The following APOLD1 variants were observed in gnomAD, a reference collection of about 807,000 sequenced individuals.
APOLD1 encodes the protein apolipoprotein L domain containing 1, also known as apolipoprotein L domain-containing protein 1.
A neutral mutation model predicts 15.3 loss-of-function variants in APOLD1; 22 were observed. The ratio of observed to expected loss-of-function variants is 1.44; its 90% CI spans 1.03 to 2.05. The LOEUF is 2.05. APOLD1 is among the 30% of genes most tolerant of loss of function. The pLI is 0.00. For missense variants in APOLD1, 394 were observed against 353.5 expected, an observed-to-expected ratio of 1.11 and a Z score of -0.92; for synonymous variants, 190 against 167.4, an observed-to-expected ratio of 1.13 and a Z score of -1.04.
chr12:12,749,604 G>C (rs1417597186), intron 1 of APOLD1, among the ~76,000 whole-genome samples: 3 of 152,166 alleles, frequency 2.0e-5, no homozygotes, highest in Non-Finnish European at 2.9e-5. Flanking sequence ...GGAGTGTGAC[G>C]TTGGTAACTT....
upstream of APOLD1, among the ~76,000 whole-genome samples, chr12:12,782,416 C>T (rs1277474723): frequency 6.6e-6 from 1 of 152,178 alleles, no homozygotes. Flanking sequence ...CTGAAGATTC[C>T]TATGCTTAAA....
chr12:12,727,967 T>C (rs1330470234), intron 1 of APOLD1, among the ~76,000 whole-genome samples: 2 of 151,232 alleles, frequency 1.3e-5, no homozygotes, highest in Non-Finnish European at 2.9e-5. Flanking sequence ...AATTAATTAA[T>C]TAATTAATTT....
At chr12:12,778,287 G>C (rs1186056475) in intron 1 of APOLD1, among the ~76,000 whole-genome samples, 1 of 150,666 alleles carries the variant, frequency 6.6e-6, no homozygotes, top group East Asian at 2.0e-4. Context: ...GCTTCTCCCT[G>C]TGGGAGGCAT....
chr12:12,783,162 T>C (rs1947097431), upstream of APOLD1, among the ~76,000 whole-genome samples: 3 of 152,088 alleles, frequency 2.0e-5, no homozygotes, highest in Admixed American at 6.5e-5. Context: ...GCTGAGATCA[T>C]GCCACTGTAC....
At chr12:12,773,348 G>A (rs1157649396) in intron 1 of APOLD1, among the ~76,000 whole-genome samples, 1 of 152,088 alleles carries the variant, frequency 6.6e-6, no homozygotes, top group Non-Finnish European at 1.5e-5. Context: ...ATTGCTTGAG[G>A]CCAGGAGTTC....
At chr12:12,769,666 A>G (rs1294733988) in intron 1 of APOLD1, among the ~76,000 whole-genome samples, 5 of 152,220 alleles carry the variant, frequency 3.3e-5, no homozygotes, top group Non-Finnish European at 7.3e-5. Flanking sequence ...GTCTTCCCTC[A>G]GGAGAAATTA....
chr12:12,735,516 T>TG, intron 1 of APOLD1, among the ~76,000 whole-genome samples: 2 of 152,110 alleles, frequency 1.3e-5, no homozygotes, highest in East Asian at 3.9e-4. Context: ...TGCTTGTGGC[T>TG]GGGGGGCAGT....
chr12:12,758,988 A>G (rs1946878621), intron 1 of APOLD1, among the ~76,000 whole-genome samples: 1 of 152,136 alleles, frequency 6.6e-6, no homozygotes, highest in African/African-American at 2.4e-5. Context: ...GTCACAGCCA[A>G]TCTGATAACC....
At chr12:12,768,461 A>T (rs7959203) in intron 1 of APOLD1, among the ~76,000 whole-genome samples, 26,735 of 151,858 alleles carry the variant, frequency 0.18, 3,830 homozygotes, top group African/African-American at 0.39. Context: ...AGGGAGTCCC[A>T]ATCTCTACAG....
chr12:12,770,384 G>A (rs894652476), intron 1 of APOLD1, among the ~76,000 whole-genome samples: 1 of 152,174 alleles, frequency 6.6e-6, no homozygotes, highest in African/African-American at 2.4e-5. Context: ...CAGCCTGGGT[G>A]ACAGAGCGAG....
chr12:12,755,466 G>A (rs1273213252), intron 1 of APOLD1, among the ~76,000 whole-genome samples: 1 of 152,202 alleles, frequency 6.6e-6, no homozygotes, highest in African/African-American at 2.4e-5. Flanking sequence ...CATAAAAAGT[G>A]AGAAGTTACA....
upstream of APOLD1, among the ~76,000 whole-genome samples, chr12:12,785,138 G>C (rs959788942): frequency 6.6e-6 from 1 of 152,186 alleles, no homozygotes; most frequent in Non-Finnish European, 1.5e-5. Context: ...TCTTAGGACT[G>C]CAGGGTACCC....
intron 1 of APOLD1, among the ~76,000 whole-genome samples, chr12:12,738,673 C>A (rs1008107577): frequency 2.7e-5 from 4 of 149,186 alleles, no homozygotes. Context: ...TTAATTGATT[C>A]TTGTATCTGA....
intron 1 of APOLD1, among the ~76,000 whole-genome samples, chr12:12,747,885 G>A (rs1946778996): frequency 6.6e-6 from 1 of 152,216 alleles, no homozygotes. Context: ...CTTGGTATGT[G>A]TGCCGGACAT....
intron 1 of APOLD1, among the ~76,000 whole-genome samples, chr12:12,752,977 C>G (rs1946823713): frequency 6.6e-6 from 1 of 152,144 alleles, no homozygotes; most frequent in Admixed American, 6.6e-5. Context: ...TAAGATAAGG[C>G]AGTGCCCAAC....
At chr12:12,784,986 A>G (rs1947112892), upstream of APOLD1, among the ~76,000 whole-genome samples, 1 of 152,238 alleles carries the variant, frequency 6.6e-6, no homozygotes, top group Non-Finnish European at 1.5e-5. Flanking sequence ...GTGTACAATT[A>G]GCTCCTCATG....
Position 12,789,002 on chromosome 12 carries a change from T to C in APOLD1, c.*1350T>C, listed in dbSNP as rs1246325820. On this transcript the variant is annotated 3_prime_UTR_variant, in exon 2 of 2. Coordinates refer to ENST00000356591, the MANE Select transcript of APOLD1 (RefSeq NM_030817.3). ...AGGGGGCAGTGTTTCCCGCCTGTTG[T>C]AGAAACTGGTACAGAAAGGAATATG... 2 of 146,912 alleles carry C rather than the reference T, an allele frequency of 1.4e-5. No individual in the cohort carries two copies. Among genetic ancestry groups the C allele is most frequent in the South Asian group, 2.2e-4 (1 of 4,510 alleles). 9.1% of individuals were successfully genotyped at this position (146,912 alleles called of 1,614,324 possible). A position where few individuals can be genotyped will look rare whatever the true frequency, so the allele number is the denominator to read the frequency against.
rs1489262685 is a variant in APOLD1 at position 12,788,400 on chromosome 12, G to C, written c.*748G>C. On this transcript the variant is annotated 3_prime_UTR_variant, in exon 2 of 2. Coordinates refer to ENST00000356591, the MANE Select transcript of APOLD1 (RefSeq NM_030817.3). ...GCCAACTTCATTTCCCGACATCATT[G>C]TGTTCAGAAGAGAGTGATGGGTTTT... 6.6e-6 allele frequency: 1 copy of C among 152,236 alleles called. No homozygotes were observed. The highest frequency in any genetic ancestry group is 1.9e-4 in the East Asian group (1 of 5,198). The allele number at this position is 152,236 out of a possible 1,614,324, so 9.4% of individuals were successfully genotyped here. A position where few individuals can be genotyped will look rare whatever the true frequency, so the allele number is the denominator to read the frequency against.
chr12:12,748,950 A>C (rs1230367165), intron 1 of APOLD1, among the ~76,000 whole-genome samples: 1 of 152,244 alleles, frequency 6.6e-6, no homozygotes, highest in Non-Finnish European at 1.5e-5. Context: ...ACTCTGAGAC[A>C]GGAGAAAGTA....
Sources: allele counts gnomAD v4.1 joint callset (sites outside exome capture counted in the v4.1 genomes callset), GRCh38; gene constraint gnomAD v4.1.1; transcripts MANE v1.5; gene names NCBI Gene and HGNC (gene_info 2026-07-23, HGNC 2026-07-21).